Variants in ABCA7 observed in about 807,000 individuals in gnomAD.
ABCA7 encodes ATP binding cassette subfamily A member 7.
In ABCA7, 261 loss-of-function variants were observed where a neutral mutation model predicts 227.6. That is an observed-to-expected ratio of 1.15 (90% confidence interval 1.04 to 1.27). ABCA7 has a LOEUF of 1.27. Among genes scored for constraint, ABCA7 ranks in the 50% most tolerant of loss-of-function variants. The pLI, the probability that ABCA7 is intolerant of heterozygous loss-of-function variation, is 0.00. For synonymous variants in ABCA7, 1,488 were observed against 1,279.7 expected (o/e 1.16, Z -3.47); for missense variants, 3,331 against 2,924.5 (o/e 1.14, Z -3.21).
chr19:1,062,802 A>T (rs902715973), intron 42 of ABCA7, among the ~76,000 whole-genome samples: 1 of 109,292 alleles, frequency 9.1e-6, no homozygotes, highest in Non-Finnish European at 1.8e-5. Flanking sequence ...GCCCTGCCTC[A>T]TACCCATGTT....
In ABCA7 at chr19:1,065,090, G is replaced by T; in HGVS notation, c.6204G>T (p.Ala2068=). The T allele has an allele frequency of 6.3e-7, 1 of 1,576,196 alleles. No individual in the cohort carries two copies. Among genetic ancestry groups the T allele is most frequent in the Non-Finnish European group, 8.6e-7 (1 of 1,162,042 alleles). The part of the protein sequence containing the change: ...QLPPGGRCAL[A]RVFGELAVHG... ...CGCCGGGAGGGCGCTGCGCCCTGGC[G>T]CGCGTCTTTGGAGAGCTGGCGGTGC... The change falls in exon 46 of 47, where the codon GCG becomes GCT. Residue 2068 remains alanine (A), a synonymous_variant. Transcript: ENST00000263094.
At chr19:1,063,716 G>A in intron 43 of ABCA7, 38 bp downstream of exon 43, 1 of 1,554,806 alleles carries the variant, frequency 6.4e-7, no homozygotes, top group East Asian at 2.4e-5. Context: ...TGGGGCCTGC[G>A]ACGGAGGCGG....
intron 13 of ABCA7, among the ~76,000 whole-genome samples, 193 bp from the exon 14 acceptor site, chr19:1,046,609 C>T (rs1212939615): frequency 6.6e-6 from 1 of 151,872 alleles, no homozygotes; most frequent in Non-Finnish European, 1.5e-5. Context: ...GGTCTGGGGG[C>T]CCCCGGCGCA....
chr19:1,056,759 C>G lies in ABCA7; in HGVS notation c.4587-148C>G. ...CTGTACAACCTCTGCTGCCAAATCCCAGGCACCCTCATCCCTAAATTGCCC... is the reference window on the plus strand; with the variant it reads ...CTGTACAACCTCTGCTGCCAAATCCGAGGCACCCTCATCCCTAAATTGCCC... On this transcript the variant is annotated intron_variant, in intron 33 of 46. Coordinates refer to ENST00000263094, the MANE Select transcript of ABCA7 (RefSeq NM_019112.4). This position sits in a 1 kb window ranked among gnomAD's most constrained non-coding sequence, Gnocchi z 4.3. 2 of 1,001,062 alleles carry G rather than the reference C, an allele frequency of 2.0e-6. No homozygotes were observed. The highest frequency in any genetic ancestry group is 3.0e-6 in the Non-Finnish European group (2 of 664,064). The allele number at this position is 1,001,062 out of a possible 1,614,324, so 62.0% of individuals were successfully genotyped here.
Position 1,051,268 on chromosome 19 carries a change from A to T in ABCA7, c.2798A>T (p.Gln933Leu), listed in dbSNP as rs1404595617. 1.2e-6 allele frequency: 2 copies of T among 1,606,008 alleles called. No homozygotes were observed. Among genetic ancestry groups the T allele is most frequent in the Non-Finnish European group, 1.7e-6 (2 of 1,177,150 alleles). Residue 933 changes from glutamine to leucine, a missense_variant, in exon 20 of 47, where the codon CAG becomes CTG. Coordinates refer to ENST00000263094, the MANE Select transcript of ABCA7 (RefSeq NM_019112.4). ...CAGGATGTGGGGCTGGTCTCCAAGC[A>T]GAGTGTGCAGACTCGCCACCTCTCT... ...LLQDVGLVSK[Q>L]SVQTRHLSGG...
At chr19:1,063,522 C>A (rs1372429726) in intron 42 of ABCA7, 22 bp from the exon 43 acceptor site, 2 of 1,608,178 alleles carry the variant, frequency 1.2e-6, no homozygotes, top group Admixed American at 1.7e-5. Flanking sequence ...GTCCCCATGC[C>A]TACTCTGGCC....
Position 1,050,918 on chromosome 19 carries a change from C to T in ABCA7, c.2553-3C>T, listed in dbSNP as rs552261506. The T allele has an allele frequency of 2.5e-6, 4 of 1,597,542 alleles. No individual in the cohort carries two copies. The South Asian group carries it at 3.4e-5, about 13-fold the overall frequency. On this transcript the variant is annotated splice_polypyrimidine_tract_variant and splice_region_variant and intron_variant, in intron 18 of 46. Coordinates refer to ENST00000263094, the MANE Select transcript of ABCA7 (RefSeq NM_019112.4). Reference sequence around the variant, plus strand: ...GGCTACTCTGAGACCCCTCTATCCACAGGTCCATCTTGAGTGGCCTCTTCC... The same window carrying T: ...GGCTACTCTGAGACCCCTCTATCCATAGGTCCATCTTGAGTGGCCTCTTCC...
At chr19:1,055,876 C>G (rs2042207296) in intron 30 of ABCA7, 31 bp from the exon 31 acceptor site, 1 of 1,556,446 alleles carries the variant, frequency 6.4e-7, no homozygotes. Context: ...ACATCCCTGT[C>G]TGCCTGTGTC....
Position 1,053,794 on chromosome 19 carries a change from C to G in ABCA7, c.3430C>G (p.Leu1144Val). 1.2e-6 allele frequency: 2 copies of G among 1,612,146 alleles called. No individual in the cohort carries two copies. The highest frequency in any genetic ancestry group is 1.7e-6 in the Non-Finnish European group (2 of 1,178,848). Residue 1144 changes from leucine to valine, a missense_variant, in exon 25 of 47, where the codon CTG (leucine) becomes GTG (valine). Coordinates refer to ENST00000263094, the MANE Select transcript of ABCA7 (RefSeq NM_019112.4). ...ISDTSLEEIF[L>V]KVVEECAADT... The stretch of plus-strand genomic sequence containing the variant: ...CCCCTGCTTGTCTCCCCAGATCTTC[C>G]TGAAGGTGGTGGAGGAGTGTGCTGC...
At chr19:1,049,090 A>T in intron 17 of ABCA7, 85 bp downstream of exon 17, 1 of 969,146 alleles carries the variant, frequency 1.0e-6, no homozygotes, top group Non-Finnish European at 1.6e-6. Flanking sequence ...GCCAATGACA[A>T]TGACCTGGAC....
In ABCA7 at chr19:1,061,899, C is replaced by T. The variant is rs1308286424; in HGVS notation, c.5570+11C>T. ...GCTGGCAGGCCACAGGTGAGGGGTG[C>T]CAGGTAGGGTCAGGGTGGGGCAGGG... On this transcript the variant is annotated intron_variant, in intron 41 of 46. Coordinates refer to ENST00000263094, the MANE Select transcript of ABCA7 (RefSeq NM_019112.4). The T allele has an allele frequency of 1.5e-5, 24 of 1,575,392 alleles. No individual in the cohort carries two copies. The highest frequency in any genetic ancestry group is 2.1e-5 in the Non-Finnish European group (24 of 1,163,754).
Position 1,049,015 on chromosome 19 carries a change from T to G in ABCA7, c.2380+10T>G, listed in dbSNP as rs1243904849. The G allele has an allele frequency of 6.7e-7, 1 of 1,503,086 alleles. No homozygotes were observed. The highest frequency in any genetic ancestry group is 9.0e-7 in the Non-Finnish European group (1 of 1,105,532). 93.1% of individuals were successfully genotyped at this position (1,503,086 alleles called of 1,614,324 possible). On this transcript the variant is annotated intron_variant, in intron 17 of 46. Transcript: ENST00000263094. ...CCGCTGGACCCAAAGGGTGAGGCAC[T>G]ACGAGGCTTAATAGCTGGTTGTCCA...
In ABCA7 at chr19:1,049,360, G is replaced by A; in HGVS notation, c.2475G>A (p.Arg825=). The part of the protein sequence containing the change: ...RFPGSPQPAL[R]GLSLDFYQGH... ...CTGGAAGCCCGCAGCCAGCCCTGCG[G>A]GGGCTCAGCCTGGACTTCTACCAGG... Residue 825 remains arginine, a synonymous_variant, in exon 18 of 47, where the codon CGG becomes CGA. Coordinates refer to ENST00000263094, the MANE Select transcript of ABCA7 (RefSeq NM_019112.4). 1.2e-6 allele frequency: 2 copies of A among 1,611,514 alleles called. No individual in the cohort carries two copies. Among genetic ancestry groups the A allele is most frequent in the Non-Finnish European group, 1.7e-6 (2 of 1,179,206 alleles).
At position 1,062,233 on chromosome 19, in the gene ABCA7, A is replaced by G. The variant is rs1380507816; in HGVS notation, c.5632A>G (p.Ile1878Val). Residue 1878 changes from isoleucine (I) to valine (V), a missense_variant, in exon 42 of 47, where the codon ATC (isoleucine) becomes GTC (valine). Physicochemically the swap from Ile to Val is conservative, Grantham distance 29. Coordinates refer to ENST00000263094, the MANE Select transcript of ABCA7 (RefSeq NM_019112.4). ...SMGYCPQSDAIFELLTGREHL... is the reference protein window; with the variant it reads ...SMGYCPQSDAVFELLTGREHL... ...GGGATACTGCCCTCAATCCGATGCC[A>G]TCTTTGAGCTGCTGACGGGCCGCGA... The G allele has an allele frequency of 1.9e-6, 3 of 1,612,326 alleles. No individual in the cohort carries two copies. Among genetic ancestry groups the G allele is most frequent in the Admixed American group, 3.3e-5 (2 of 60,002 alleles).
rs748821293 is a variant in ABCA7 at position 1,061,804 on chromosome 19, A to G, written c.5486A>G (p.Asn1829Ser). 1 of 1,612,716 alleles carries G rather than the reference A, an allele frequency of 6.2e-7. No homozygotes were observed. The highest frequency in any genetic ancestry group is 8.5e-7 in the Non-Finnish European group (1 of 1,179,494). The change falls in exon 41 of 47, where the codon AAT becomes AGT. Residue 1829 changes from asparagine (N) to serine (S), a missense_variant. By Grantham distance (46) the Asn-to-Ser change is conservative. Coordinates refer to ENST00000263094, the MANE Select transcript of ABCA7 (RefSeq NM_019112.4). The part of the protein sequence containing the change: ...PGECFGLLGV[N>S]GAGKTSTFRM... Reference sequence around the variant, plus strand: ...TAGTGTTTTGGGCTGCTGGGTGTGAATGGAGCAGGGAAGACGTCCACGTTT... The same window carrying G: ...TAGTGTTTTGGGCTGCTGGGTGTGAGTGGAGCAGGGAAGACGTCCACGTTT...
At position 1,056,411 on chromosome 19, in the gene ABCA7, C is replaced by T. The variant is rs201484969; in HGVS notation, c.4498C>T (p.Pro1500Ser). 123 of 1,613,440 alleles carry T rather than the reference C, an allele frequency of 7.6e-5. No individual in the cohort carries two copies. Among genetic ancestry groups the T allele is most frequent in the South Asian group, 1.6e-4 (15 of 91,072 alleles). Residue 1500 changes from proline to serine, a missense_variant, in exon 33 of 47, where the codon CCC becomes TCC. Coordinates refer to ENST00000263094, the MANE Select transcript of ABCA7 (RefSeq NM_019112.4). The surrounding 1 kb of genome is among the most constrained non-coding windows in gnomAD (Gnocchi z 4.3). ...CAACGCAATCCTCCGTGCTCACCTG[C>T]CCCCAGGCCCGGCCCGCCACGCCCA... The part of the protein sequence containing the change: ...ASNAILRAHL[P>S]PGPARHAHSI...
Position 1,046,215 on chromosome 19 carries a change from AT to A in ABCA7, c.1446-14del. 6.2e-7 allele frequency: 1 copy of A among 1,604,968 alleles called. No individual in the cohort carries two copies. The highest frequency in any genetic ancestry group is 1.1e-5 in the South Asian group (1 of 90,994). On this transcript the variant is annotated splice_polypyrimidine_tract_variant and intron_variant, in intron 12 of 46. Coordinates refer to ENST00000263094, the MANE Select transcript of ABCA7 (RefSeq NM_019112.4). The stretch of plus-strand genomic sequence containing the variant: ...TAGCCCTTCCCTACAACCGGCCACC[AT>A]GCCCCTCTCGCAGGTTTTGGGACCC...
chr19:1,063,884 C>CGGG, intron 44 of ABCA7, 21 bp downstream of exon 44: 1 of 1,514,742 alleles, frequency 6.6e-7, no homozygotes, highest in East Asian at 2.5e-5. Context: ...CTCTGATGCC[C>CGGG]TGGGCTGTGG....
At position 1,051,305 on chromosome 19, in the gene ABCA7, C is replaced by T; in HGVS notation, c.2824+11C>T. On this transcript the variant is annotated intron_variant, in intron 20 of 46. Coordinates refer to ENST00000263094, the MANE Select transcript of ABCA7 (RefSeq NM_019112.4). ...CTCGCCACCTCTCTGGTGAGCCCAT[C>T]CCCAAGGGAGGTCACCTCACAGGGA... 2 of 1,586,512 alleles carry T rather than the reference C, an allele frequency of 1.3e-6. No homozygotes were observed. The highest frequency in any genetic ancestry group is 1.7e-6 in the Non-Finnish European group (2 of 1,165,678).
Sources: allele counts gnomAD v4.1 joint callset (sites outside exome capture counted in the v4.1 genomes callset), GRCh38; gene constraint gnomAD v4.1.1; non-coding constraint Gnocchi (gnomAD v3.1); transcripts MANE v1.5; gene names NCBI Gene and HGNC (gene_info 2026-07-23, HGNC 2026-07-21).